SOX6: variants seen among roughly 807,000 people sequenced by gnomAD.
SOX6 encodes the protein transcription factor SOX-6.
Under a neutral mutation model 97.8 loss-of-function variants are expected in SOX6, and 11 were observed. That is an observed-to-expected ratio of 0.11 (90% CI 0.07 to 0.19). SOX6 has a LOEUF of 0.19. Among genes scored for constraint, SOX6 ranks in the 10% least tolerant of loss-of-function variants. The probability of loss-of-function intolerance (pLI) is 1.00; values close to 1 mark genes in which losing one functional copy is unlikely to be tolerated. For missense variants in SOX6, 810 were observed against 1,039.5 expected (o/e 0.78, Z 3.04); for synonymous variants, 360 against 371.4 (o/e 0.97, Z 0.35).
intron 13 of SOX6, among the ~76,000 whole-genome samples, chr11:16,004,346 T>C (rs893996776): frequency 6.6e-6 from 1 of 152,076 alleles, no homozygotes; most frequent in African/African-American, 2.4e-5. Flanking sequence ...ATTTCTTCAA[T>C]GGTCAGCTGA....
At chr11:16,431,923 C>A (rs114104480) in intron 1 of SOX6, among the ~76,000 whole-genome samples, 72 of 152,066 alleles carry the variant, frequency 4.7e-4, no homozygotes, top group African/African-American at 1.7e-3. Context: ...ATTAAATTCT[C>A]CATAGTAAAT....
Position 16,365,285 on chromosome 11 carries a change from C to CTCTG in SOX6, c.-4-24034_-4-24033insCAGA, listed in dbSNP as rs112455946. ...TCCCCATCAGATAAACAGGGAAGTA[C>CTCTG]TGTGTGTGTGTGTGTGTGTGTTTGT... On this transcript the variant is annotated intron_variant, in intron 1 of 15. Coordinates refer to the SOX6 transcript ENST00000396356. Among the ~76,000 whole-genome samples, 6 of 148,718 alleles carry CTCTG rather than the reference C, an allele frequency of 4.0e-5. No individual in the cohort carries two copies. In the South Asian group the frequency reaches 8.6e-4, roughly 21 times the overall value.
chr11:16,090,982 C>T (rs369077100), intron 9 of SOX6, among the ~76,000 whole-genome samples: 1 of 152,010 alleles, frequency 6.6e-6, no homozygotes, highest in South Asian at 2.1e-4. Context: ...GTATATTATG[C>T]TCATTTTACA....
chr11:16,381,343 A>T (rs1857813207), intron 1 of SOX6, among the ~76,000 whole-genome samples: 4 of 151,932 alleles, frequency 2.6e-5, no homozygotes, highest in Non-Finnish European at 5.9e-5. Context: ...AAGCCTAACT[A>T]ATCACCCAGT....
At chr11:16,444,779 T>A (rs1440787489) in intron 1 of SOX6, among the ~76,000 whole-genome samples, 1 of 152,192 alleles carries the variant, frequency 6.6e-6, no homozygotes, top group Non-Finnish European at 1.5e-5. Context: ...AAGCAAAATG[T>A]GTATCTTTGT....
chr11:16,124,103 C>T (rs894658608), intron 6 of SOX6, among the ~76,000 whole-genome samples: 2 of 152,062 alleles, frequency 1.3e-5, no homozygotes, highest in African/African-American at 4.8e-5. Flanking sequence ...TGAAAATTCC[C>T]CAAACATAAA....
chr11:16,002,334 A>G (rs1854430487), intron 13 of SOX6, among the ~76,000 whole-genome samples: 1 of 152,204 alleles, frequency 6.6e-6, no homozygotes. Context: ...AATTCTAACC[A>G]GTGATATACC....
intron 9 of SOX6, among the ~76,000 whole-genome samples, chr11:16,059,437 T>A (rs1847894095): frequency 6.6e-6 from 1 of 151,876 alleles, no homozygotes; most frequent in Non-Finnish European, 1.5e-5. Flanking sequence ...CTTTGCCATA[T>A]GAGTAGGGGA....
At chr11:16,606,826 A>C (rs1043897624) in intron 4 of SOX6, among the ~76,000 whole-genome samples, 2 of 151,940 alleles carry the variant, frequency 1.3e-5, no homozygotes, top group Non-Finnish European at 2.9e-5. Flanking sequence ...GATTTTTTGG[A>C]GGGGAGGTGA....
rs1359413688 is a variant in SOX6 at position 16,176,237 on chromosome 11, C to T, written c.777+7649G>A. On this transcript the variant is annotated intron_variant, in intron 6 of 15. Coordinates refer to ENST00000683767, the MANE Select transcript of SOX6 (RefSeq NM_001367873.1). ...TTCCATTCTGATTACCCACTAGAAT[C>T]ATCTATAAACTTTTCAATACTCTCC... Among the ~76,000 whole-genome samples the T allele has an allele frequency of 6.6e-5, 10 of 151,986 alleles. No individual in the cohort carries two copies. The East Asian group carries it at 1.9e-3, about 30-fold the overall frequency.
At chr11:16,520,293 G>A (rs758608772) in intron 4 of SOX6, among the ~76,000 whole-genome samples, 8 of 152,106 alleles carry the variant, frequency 5.3e-5, no homozygotes, top group African/African-American at 9.7e-5. Context: ...TGAGAAATGT[G>A]TTTCCTAAGT....
chr11:16,350,616 A>G (rs982101312), intron 1 of SOX6, among the ~76,000 whole-genome samples: 2 of 152,196 alleles, frequency 1.3e-5, no homozygotes, highest in Non-Finnish European at 2.9e-5. Flanking sequence ...ATTTATTACA[A>G]TATACTAAAA....
intron 14 of SOX6, among the ~76,000 whole-genome samples, chr11:15,986,753 C>T (rs1309383647): frequency 2.6e-5 from 4 of 152,206 alleles, no homozygotes; most frequent in Admixed American, 2.6e-4. Flanking sequence ...AAGGCTAAAC[C>T]TCCTAAGCAT....
At chr11:16,700,213 C>T (rs772763367) in intron 3 of SOX6, among the ~76,000 whole-genome samples, 3 of 151,722 alleles carry the variant, frequency 2.0e-5, no homozygotes, top group Non-Finnish European at 4.4e-5. Flanking sequence ...TATACAAACA[C>T]TAATAGGTAA....
At chr11:16,137,194 G>C (rs1007604630) in intron 6 of SOX6, among the ~76,000 whole-genome samples, 13 of 152,132 alleles carry the variant, frequency 8.5e-5, no homozygotes, top group Non-Finnish European at 1.6e-4. Context: ...CTAGCACTTT[G>C]GGAGGCTGAG....
chr11:16,007,896 T>C (rs1318850932), intron 13 of SOX6, among the ~76,000 whole-genome samples: 1 of 152,106 alleles, frequency 6.6e-6, no homozygotes, highest in Non-Finnish European at 1.5e-5. Context: ...GCTATCCTTG[T>C]CTTGGGTTTA....
chr11:16,102,070 G>A (rs1351322843), intron 7 of SOX6, among the ~76,000 whole-genome samples: 3 of 151,796 alleles, frequency 2.0e-5, no homozygotes, highest in East Asian at 1.9e-4. Flanking sequence ...CATCCAAATC[G>A]GTAAAAAGGA....
intron 15 of SOX6, among the ~76,000 whole-genome samples, chr11:15,973,911 A>G (rs1373806308): frequency 6.6e-6 from 1 of 152,204 alleles, no homozygotes; most frequent in Non-Finnish European, 1.5e-5. Flanking sequence ...AACTTAACAG[A>G]TCCTTTGTGG....
intron 12 of SOX6, among the ~76,000 whole-genome samples, chr11:16,039,430 A>T (rs1395340213): frequency 2.0e-5 from 3 of 152,080 alleles, no homozygotes; most frequent in Non-Finnish European, 1.5e-5. Context: ...CATGATCTAG[A>T]ATAGCATATA....
Sources: allele counts gnomAD v4.1 joint callset (sites outside exome capture counted in the v4.1 genomes callset), GRCh38; gene constraint gnomAD v4.1.1; transcripts MANE v1.5; gene names NCBI Gene and HGNC (gene_info 2026-07-23, HGNC 2026-07-21).